Variants in FCRL5 observed in about 807,000 individuals in gnomAD.
FCRL5 encodes the protein Fc receptor-like protein 5.
In FCRL5, 79 loss-of-function variants were observed where a neutral mutation model predicts 92.1. That is an observed-to-expected ratio of 0.86 (90% CI 0.72 to 1.03). The LOEUF is 1.03. Ranked by LOEUF, FCRL5 falls within the 50% of genes least tolerant of loss-of-function variation. The pLI is 0.00. For synonymous variants in FCRL5, 466 were observed against 469.3 expected, an observed-to-expected ratio of 0.99 and a Z score of 0.09; for missense variants, 1,160 against 1,181.1, an observed-to-expected ratio of 0.98 and a Z score of 0.26.
Position 157,515,355 on chromosome 1 carries a change from T to G in FCRL5, c.*320A>C. 1 of 381,522 alleles carries G rather than the reference T, an allele frequency of 2.6e-6. No homozygotes were observed. The highest frequency in any genetic ancestry group is 2.9e-5 in the South Asian group (1 of 34,284). The allele number at this position is 381,522 out of a possible 1,614,324, so 23.6% of individuals were successfully genotyped here. A position where few individuals can be genotyped will look rare whatever the true frequency, so the allele number is the denominator to read the frequency against. Reference sequence around the variant, plus strand: ...CCTTTGTGTGGTAAGACCCCCTCTGTGGGGGTGTGATGAGAGCAGTACTCA... The same window carrying G: ...CCTTTGTGTGGTAAGACCCCCTCTGGGGGGGTGTGATGAGAGCAGTACTCA... On this transcript the variant is annotated 3_prime_UTR_variant, in exon 17 of 17. Transcript: ENST00000361835.
intron 7 of FCRL5, among the ~76,000 whole-genome samples, chr1:157,536,304 A>G (rs1018083310): frequency 2.6e-5 from 4 of 152,016 alleles, no homozygotes; most frequent in Non-Finnish European, 5.9e-5. Context: ...GCTCACTATC[A>G]TCTGCTTAGA....
At position 157,552,446 on chromosome 1, in the gene FCRL5, G is replaced by C; in HGVS notation, c.-84C>G. On this transcript the variant is annotated 5_prime_UTR_variant, in exon 1 of 17. Transcript: ENST00000361835. Reference sequence around the variant, plus strand: ...GGTTTGGACTTGATCTTACAGTCAGGACACTGCACACCAGCTCCAAGGAGC... The same window carrying C: ...GGTTTGGACTTGATCTTACAGTCAGCACACTGCACACCAGCTCCAAGGAGC... 7.3e-7 allele frequency: 1 copy of C among 1,372,872 alleles called. No homozygotes were observed. The highest frequency in any genetic ancestry group is 1.0e-6 in the Non-Finnish European group (1 of 960,508). The allele number at this position is 1,372,872 out of a possible 1,614,324, so 85.0% of individuals were successfully genotyped here.
intron 10 of FCRL5, 56 bp downstream of exon 10, chr1:157,524,223 G>T: frequency 6.3e-7 from 1 of 1,581,102 alleles, no homozygotes; most frequent in Non-Finnish European, 8.7e-7. Context: ...TCAGCTGCAG[G>T]GAGAACAGGC....
intron 12 of FCRL5, among the ~76,000 whole-genome samples, chr1:157,520,151 T>TG (rs371876702): frequency 0.018 from 2,810 of 152,232 alleles, 77 homozygotes; most frequent in African/African-American, 0.061. Flanking sequence ...TCCCATTCGT[T>TG]GGGGGGGTCT....
intron 3 of FCRL5, among the ~76,000 whole-genome samples, chr1:157,545,699 T>G (rs1275669030): frequency 1.3e-5 from 2 of 152,172 alleles, no homozygotes; most frequent in East Asian, 1.9e-4. Context: ...CGGCTAATTT[T>G]TTGTATTTTT....
At chr1:157,541,968 A>T (rs890943990) in intron 6 of FCRL5, 1 of 154,474 alleles carries the variant, frequency 6.5e-6, no homozygotes, top group Non-Finnish European at 1.4e-5. Context: ...TTTCTACGTC[A>T]TTTGATGTCT....
Position 157,544,361 on chromosome 1 carries a change from C to A in FCRL5, c.745G>T (p.Ala249Ser), listed in dbSNP as rs1291571014. ...WSLSPNFQIT[A>S]MWSKDSGFYW... Reference sequence around the variant, plus strand: ...AACCCTGAATCTTTACTCCACATGGCAGTAATCTGGAAATTCGGGGAGAGA... The same window carrying A: ...AACCCTGAATCTTTACTCCACATGGAAGTAATCTGGAAATTCGGGGAGAGA... Residue 249 changes from alanine to serine, a missense_variant, in exon 5 of 17, where the codon GCC becomes TCC. Coordinates refer to ENST00000361835, the MANE Select transcript of FCRL5 (RefSeq NM_031281.3). 6.2e-7 allele frequency: 1 copy of A among 1,614,082 alleles called. No homozygotes were observed. The highest frequency in any genetic ancestry group is 8.5e-7 in the Non-Finnish European group (1 of 1,180,040).
At chr1:157,532,569 G>A (rs1650748497) in intron 8 of FCRL5, 1 of 151,840 alleles carries the variant, frequency 6.6e-6, no homozygotes, top group Non-Finnish European at 1.5e-5. Context: ...CATTTTCAGT[G>A]TTCATAATAG....
At chr1:157,551,834 C>T (rs1651832294) in intron 1 of FCRL5, among the ~76,000 whole-genome samples, 1 of 152,216 alleles carries the variant, frequency 6.6e-6, no homozygotes, top group Non-Finnish European at 1.5e-5. Flanking sequence ...GCGACCTCCT[C>T]CACCCCATGT....
In FCRL5 at chr1:157,527,793, G is replaced by C. The variant is rs753174100; in HGVS notation, c.1784C>G (p.Pro595Arg). 3.7e-6 allele frequency: 6 copies of C among 1,613,902 alleles called. No individual in the cohort carries two copies. The highest frequency in any genetic ancestry group is 1.3e-5 in the African/African-American group (1 of 74,932). The part of the protein sequence containing the change: ...LHCEAPRGSP[P>R]ILYWFYHEDV... ...CTCATGATAAAACCAGTACAGGATT[G>C]GGGGAGAGCCTCTCGGGGCCTCACA... Residue 595 changes from proline (P) to arginine (R), a missense_variant, in exon 9 of 17, where the codon CCA (proline) becomes CGA (arginine). Coordinates refer to ENST00000361835, the MANE Select transcript of FCRL5 (RefSeq NM_031281.3).
chr1:157,525,077 C>T (rs764889619), intron 9 of FCRL5, among the ~76,000 whole-genome samples: 23 of 152,154 alleles, frequency 1.5e-4, no homozygotes, highest in Non-Finnish European at 2.9e-4. Flanking sequence ...CCAAGAATGG[C>T]ATGACATGCT....
At chr1:157,542,801 C>T in intron 6 of FCRL5, 58 bp downstream of exon 6, 1 of 1,564,718 alleles carries the variant, frequency 6.4e-7, no homozygotes. Context: ...TTCCGAAGGG[C>T]AGGGTGAGGC....
chr1:157,543,054 T>A lies in FCRL5; in HGVS notation c.928A>T (p.Thr310Ser). The A allele has an allele frequency of 6.2e-7, 1 of 1,614,214 alleles. No individual in the cohort carries two copies. Among genetic ancestry groups the A allele is most frequent in the Non-Finnish European group, 8.5e-7 (1 of 1,180,038 alleles). ...EGTKVTLHCE[T>S]QEDSLRTLYR... ...AAAGTGCGCAGAGAATCTTCCTGGGTTTCACAGTGAAGTGTCACCTTGGTT... is the reference window on the plus strand; with the variant it reads ...AAAGTGCGCAGAGAATCTTCCTGGGATTCACAGTGAAGTGTCACCTTGGTT... The change falls in exon 6 of 17, where the codon ACC becomes TCC. Residue 310 changes from threonine to serine, a missense_variant. By Grantham distance (58) the Thr-to-Ser change is moderately conservative (BLOSUM62 1). Coordinates refer to ENST00000361835, the MANE Select transcript of FCRL5 (RefSeq NM_031281.3).
In FCRL5 at chr1:157,521,095, G is replaced by A. The variant is rs1411608810; in HGVS notation, c.2437C>T (p.His813Tyr). ...ASLNLSLTAEHSGNYSCEADN... is the reference protein window; with the variant it reads ...ASLNLSLTAEYSGNYSCEADN... ...GCCTCACAGGAGTAGTTTCCAGAGT[G>A]CTCTGCAGTCAGAGAGAGGTTTAAG... The change falls in exon 11 of 17, where the codon CAC becomes TAC. Residue 813 changes from histidine (H) to tyrosine (Y), a missense_variant. Physicochemically the swap from His to Tyr is moderately conservative, Grantham distance 83. Coordinates refer to ENST00000361835, the MANE Select transcript of FCRL5 (RefSeq NM_031281.3). The A allele has an allele frequency of 1.2e-6, 2 of 1,614,222 alleles. No homozygotes were observed. The highest frequency in any genetic ancestry group is 1.7e-6 in the Non-Finnish European group (2 of 1,180,036).
chr1:157,534,847 A>G lies in FCRL5; in HGVS notation c.1448T>C (p.Leu483Pro). The G allele has an allele frequency of 1.3e-6, 2 of 1,582,738 alleles. No homozygotes were observed. The highest frequency in any genetic ancestry group is 1.2e-5 in the South Asian group (1 of 84,336). The change falls in exon 8 of 17, where the codon CTG becomes CCG. Residue 483 changes from leucine (L) to proline (P), a missense_variant. Transcript: ENST00000361835. ...PVLTLSSAEALTFEGATVTLH... is the reference protein window; with the variant it reads ...PVLTLSSAEAPTFEGATVTLH... ...TGTCACAGTGGCTCCTTCAAAAGTC[A>G]GGGCCTCAGCAGAGCTGAGGGTGAG...
intron 15 of FCRL5, 200 bp from the exon 16 acceptor site, chr1:157,516,073 CTT>C: frequency 1.5e-6 from 1 of 652,894 alleles, no homozygotes; most frequent in Middle Eastern, 4.1e-4. Flanking sequence ...CAGACCCTCT[CTT>C]CAACTCCCCT....
rs35655203 is a variant in FCRL5, at chr1:157,547,012, A to G, written c.238T>C (p.Ser80Pro). The G allele has an allele frequency of 1.1e-3, 1,743 of 1,614,184 alleles. 19 individuals are homozygous for G. The African/African-American group carries it at 0.02, about 19-fold the overall frequency. Reference sequence around the variant, plus strand: ...TGGGCCTGGCATCTGTACTCTCCAGATTCCTGAACCTCAAGGATATTGTCT... The same window carrying G: ...TGGGCCTGGCATCTGTACTCTCCAGGTTCCTGAACCTCAAGGATATTGTCT... The part of the protein sequence containing the change: ...TPDNILEVQE[S>P]GEYRCQAQGS... The change falls in exon 3 of 17, where the codon TCT becomes CCT. Residue 80 changes from serine (S) to proline (P), a missense_variant. Coordinates refer to ENST00000361835, the MANE Select transcript of FCRL5 (RefSeq NM_031281.3).
intron 3 of FCRL5, among the ~76,000 whole-genome samples, chr1:157,545,622 G>C (rs1488439530): frequency 7.5e-6 from 1 of 133,786 alleles, no homozygotes; most frequent in East Asian, 2.3e-4. Context: ...TCCATCTCCC[G>C]GGTTCATGCC....
chr1:157,538,676 T>C (rs1651095781), intron 7 of FCRL5, among the ~76,000 whole-genome samples: 1 of 152,210 alleles, frequency 6.6e-6, no homozygotes, highest in South Asian at 2.1e-4. Flanking sequence ...TTGCATCTGG[T>C]TATTCATTGA....
Sources: gnomAD v4.1 joint callset for allele counts (sites outside exome capture counted in the v4.1 genomes callset) on GRCh38, gnomAD v4.1.1 for gene constraint, MANE v1.5 for transcripts, NCBI Gene and HGNC (gene_info 2026-07-23, HGNC 2026-07-21) for gene names.